EIF3M: variants seen among roughly 807,000 people sequenced by gnomAD.
The protein encoded by EIF3M is B5 receptor.
Under a neutral mutation model 49.7 loss-of-function variants are expected in EIF3M, and 25 were observed. The observed-to-expected ratio is 0.50, with a 90% CI of 0.37 to 0.70. The LOEUF is 0.70. Among genes scored for constraint, EIF3M ranks in the 30% least tolerant of loss-of-function variants. The pLI, the probability that EIF3M is intolerant of heterozygous loss-of-function variation, is 0.00. For synonymous variants in EIF3M, 156 were observed against 149.8 expected (o/e 1.04, Z -0.30); for missense variants, 350 against 440.0 (o/e 0.80, Z 1.83).
rs1223226483 is a variant in EIF3M at position 32,583,855 on chromosome 11, G to C, written c.-33G>C. The stretch of plus-strand genomic sequence containing the variant: ...CCTTTTCCGGTCGGCGTGGTCTTGC[G>C]AGTGGAGTGTCCGCTGTGCCCGGGC... On this transcript the variant is annotated 5_prime_UTR_variant, in exon 1 of 11. Transcript: ENST00000531120. 2 of 1,610,036 alleles carry C rather than the reference G, an allele frequency of 1.2e-6. No homozygotes were observed. Among genetic ancestry groups the C allele is most frequent in the Non-Finnish European group, 8.5e-7 (1 of 1,177,436 alleles).
rs1855307490 is a variant in EIF3M, at chr11:32,603,700, A to T, written c.*1301A>T. ...GAATGTTTGTTTCCAGTTTATCCCT[A>T]CCAAAAATTAATTCGAGTTAATTTC... On this transcript the variant is annotated 3_prime_UTR_variant, in exon 11 of 11. Transcript: ENST00000531120. 6.6e-6 allele frequency: 1 copy of T among 152,164 alleles called. No homozygotes were observed. 9.4% of individuals were successfully genotyped at this position (152,164 alleles called of 1,614,324 possible). A position where few individuals can be genotyped will look rare whatever the true frequency, so the allele number is the denominator to read the frequency against.
At chr11:32,584,836 A>G (rs1854969831) in intron 1 of EIF3M, among the ~76,000 whole-genome samples, 1 of 152,156 alleles carries the variant, frequency 6.6e-6, no homozygotes, top group Admixed American at 6.5e-5. Context: ...TCTTTGGTAT[A>G]CAGGGCTGAT....
At chr11:32,592,532 C>G in intron 5 of EIF3M, 1 of 536,708 alleles carries the variant, frequency 1.9e-6, no homozygotes, top group South Asian at 1.4e-5. Context: ...TTCCATTGCA[C>G]TCCTCAGCCT....
At chr11:32,600,488 A>G (rs1792322183) in intron 8 of EIF3M, among the ~76,000 whole-genome samples, 2 of 151,924 alleles carry the variant, frequency 1.3e-5, no homozygotes, top group South Asian at 4.1e-4. Context: ...CTATAGAAAA[A>G]TTGTTTTTAA....
chr11:32,591,032 G>T (rs937874859), intron 5 of EIF3M, among the ~76,000 whole-genome samples: 1 of 152,106 alleles, frequency 6.6e-6, no homozygotes, highest in African/African-American at 2.4e-5. Flanking sequence ...TGTATTTTTA[G>T]TAGAGACAGA....
In EIF3M at chr11:32,589,145, T is replaced by C; in HGVS notation, c.438+10T>C. The C allele has an allele frequency of 6.2e-7, 1 of 1,610,566 alleles. No homozygotes were observed. The highest frequency in any genetic ancestry group is 8.5e-7 in the Non-Finnish European group (1 of 1,179,064). On this transcript the variant is annotated intron_variant, in intron 4 of 10. Transcript: ENST00000531120. ...AACTGAGCTGGATCAAGTGAGTTAC[T>C]GTGTGGAATAGTTGTTCTGCTTATA... is the stretch of plus-strand genomic sequence containing the variant.
At chr11:32,589,475 C>A in intron 4 of EIF3M, 72 bp from the exon 5 acceptor site, 1 of 1,464,226 alleles carries the variant, frequency 6.8e-7, no homozygotes, top group Non-Finnish European at 9.5e-7. Context: ...CCACGCCCAG[C>A]CAGAAATGTA....
At chr11:32,589,681 A>G in intron 5 of EIF3M, 40 bp downstream of exon 5, 2 of 1,571,136 alleles carry the variant, frequency 1.3e-6, no homozygotes, top group Non-Finnish European at 1.7e-6. Context: ...CTTAACAGAC[A>G]GTATAAGTAG....
intron 5 of EIF3M, chr11:32,592,720 C>A: frequency 2.0e-6 from 1 of 506,030 alleles, no homozygotes; most frequent in Admixed American, 2.1e-5. Flanking sequence ...CTCAGACCAC[C>A]AATAAACAGT....
intron 8 of EIF3M, among the ~76,000 whole-genome samples, chr11:32,600,051 G>A (rs1011599244): frequency 1.3e-5 from 2 of 151,738 alleles, no homozygotes; most frequent in African/African-American, 4.8e-5. Flanking sequence ...ACTTTTAATG[G>A]TATTCTTTAA....
At position 32,600,696 on chromosome 11, in the gene EIF3M, AC is replaced by A; in HGVS notation, c.808del (p.His270MetfsTer8). ...KDFIDSLGLL[H>X]EQNMAKMRLL... The stretch of plus-strand genomic sequence containing the variant: ...CACTATTCTGTTTTCTAGGCCTGTT[AC>A]ATGAACAGAATATGGCAAAAATGAG... On this transcript the variant is annotated frameshift_variant, in exon 9 of 11. Transcript: ENST00000531120. LOFTEE classifies it high-confidence loss of function. 6.2e-7 allele frequency: 1 copy of A among 1,609,146 alleles called. No homozygotes were observed. Among genetic ancestry groups the A allele is most frequent in the Non-Finnish European group, 8.5e-7 (1 of 1,177,366 alleles).
chr11:32,604,544 T>G lies in EIF3M; in HGVS notation c.*2145T>G, dbSNP rs932679547. On this transcript the variant is annotated 3_prime_UTR_variant, in exon 11 of 11. Coordinates refer to ENST00000531120, the MANE Select transcript of EIF3M (RefSeq NM_006360.6). ...TTCTGGTCTCTTTTCTGTATACACT[T>G]TTTAAATACTGGGGTCATATTTTTA... 9.2e-5 allele frequency: 14 copies of G among 152,246 alleles called. No individual in the cohort carries two copies. The highest frequency in any genetic ancestry group is 3.4e-4 in the African/African-American group (14 of 41,464). 9.4% of individuals were successfully genotyped at this position (152,246 alleles called of 1,614,324 possible).
intron 5 of EIF3M, among the ~76,000 whole-genome samples, chr11:32,590,795 G>C (rs539976875): frequency 6.6e-6 from 1 of 151,996 alleles, no homozygotes; most frequent in South Asian, 2.1e-4. Context: ...AAGTTTATGG[G>C]TGCCCCCTTC....
rs1855292003 is a variant in EIF3M, at chr11:32,602,845, T to A, written c.*446T>A. The A allele has an allele frequency of 6.2e-7, 1 of 1,608,470 alleles. No homozygotes were observed. On this transcript the variant is annotated 3_prime_UTR_variant, in exon 11 of 11. Coordinates refer to ENST00000531120, the MANE Select transcript of EIF3M (RefSeq NM_006360.6). ...TCTGTTGTTTTTTTCCAACGTCTCT[T>A]CTGCTTTTCTTTTCTTTGGCTGGTT...
intron 8 of EIF3M, among the ~76,000 whole-genome samples, chr11:32,597,349 T>C (rs1303825075): frequency 1.3e-5 from 2 of 152,036 alleles, no homozygotes; most frequent in Non-Finnish European, 2.9e-5. Flanking sequence ...CCCCCTACTA[T>C]ACTATTTTAT....
Position 32,600,764 on chromosome 11 carries a change from T to C in EIF3M, c.875T>C (p.Ile292Thr), listed in dbSNP as rs750259913. The change falls in exon 9 of 11, where the codon ATT (isoleucine) becomes ACT (threonine). Residue 292 changes from isoleucine (I) to threonine (T), a missense_variant. Coordinates refer to ENST00000531120, the MANE Select transcript of EIF3M (RefSeq NM_006360.6). The part of the protein sequence containing the change: ...FMGMAVENKE[I>T]SFDTMQQELQ... ...GGAATGGCAGTAGAAAATAAGGAAA[T>C]TTCTTTTGACACAATGCAGCAAGAA... 8.1e-6 allele frequency: 13 copies of C among 1,611,774 alleles called. No homozygotes were observed. Among genetic ancestry groups the C allele is most frequent in the Non-Finnish European group, 1.1e-5 (13 of 1,178,544 alleles).
In EIF3M at chr11:32,589,657, G is replaced by A. The variant is rs1855063385; in HGVS notation, c.533+16G>A. On this transcript the variant is annotated intron_variant, in intron 5 of 10. Coordinates refer to ENST00000531120, the MANE Select transcript of EIF3M (RefSeq NM_006360.6). ...GTAAGAAGAGGTATTCAAAAGTAAT[G>A]AACTAACATATCACTTAACAGACAG... 3 of 1,602,830 alleles carry A rather than the reference G, an allele frequency of 1.9e-6. No homozygotes were observed. The South Asian group carries it at 3.3e-5, about 18-fold the overall frequency.
chr11:32,589,769 T>C, intron 5 of EIF3M, 128 bp downstream of exon 5: 2 of 617,800 alleles, frequency 3.2e-6, no homozygotes, highest in Admixed American at 6.9e-5. Flanking sequence ...TATAAATCTA[T>C]TTCTATAAAT....
At chr11:32,591,895 T>C (rs1855108162) in intron 5 of EIF3M, 1 of 263,386 alleles carries the variant, frequency 3.8e-6, no homozygotes, top group Middle Eastern at 1.1e-3. Flanking sequence ...CATTGTCCAC[T>C]GTAATATCCA....
Sources: gnomAD v4.1 joint callset for allele counts (sites outside exome capture counted in the v4.1 genomes callset) on GRCh38, gnomAD v4.1.1 for gene constraint, MANE v1.5 for transcripts, NCBI Gene and HGNC (gene_info 2026-07-23, HGNC 2026-07-21) for gene names.